The following XRRA1 variants were observed in gnomAD, a reference collection of about 807,000 sequenced individuals.
XRRA1 encodes the protein X-ray radiation resistance associated 1.
XRRA1 carries 69 observed loss-of-function variants against 80.2 expected under a neutral mutation model. The ratio of observed to expected loss-of-function variants is 0.86; its 90% confidence interval spans 0.71 to 1.05. XRRA1 has a LOEUF of 1.05. Among genes scored for constraint, XRRA1 ranks in the 50% least tolerant of loss-of-function variants. XRRA1 has a pLI of 0.00. For missense variants in XRRA1, 967 were observed against 976.4 expected (o/e 0.99, Z 0.13); for synonymous variants, 348 against 389.9 (o/e 0.89, Z 1.27).
intron 6 of XRRA1, 80 bp from the exon 7 acceptor site, chr11:74,927,568 G>C (rs1407031273): frequency 1.0e-6 from 1 of 982,064 alleles, no homozygotes; most frequent in Non-Finnish European, 1.6e-6. Flanking sequence ...CATTTACTGT[G>C]TCCCTACTGG....
At chr11:74,863,289 G>A (rs1359439308) in intron 10 of XRRA1, 1 of 492,368 alleles carries the variant, frequency 2.0e-6, no homozygotes, top group Non-Finnish European at 3.7e-6. Context: ...TACTTCTTCA[G>A]TCTCATTTCA....
intron 10 of XRRA1, among the ~76,000 whole-genome samples, chr11:74,870,491 C>T (rs947050983): frequency 2.6e-5 from 4 of 152,190 alleles, no homozygotes; most frequent in Non-Finnish European, 5.9e-5. Context: ...GGAATTTTTA[C>T]ACTTCAGGGA....
chr11:74,934,488 G>A (rs536426249), intron 4 of XRRA1, among the ~76,000 whole-genome samples: 30 of 152,278 alleles, frequency 2.0e-4, no homozygotes, highest in African/African-American at 6.0e-4. Flanking sequence ...TAGCAAGTAC[G>A]TATTTATAAA....
chr11:74,859,112 T>C, intron 12 of XRRA1, 46 bp downstream of exon 12: 1 of 1,537,644 alleles, frequency 6.5e-7, no homozygotes, highest in Non-Finnish European at 8.7e-7. Flanking sequence ...GCATCCCACC[T>C]TCCCATCTGT....
intron 10 of XRRA1, among the ~76,000 whole-genome samples, chr11:74,868,796 A>G (rs1226102911): frequency 6.6e-6 from 1 of 152,198 alleles, no homozygotes; most frequent in African/African-American, 2.4e-5. Context: ...CAATTCAACA[A>G]GAACTATCCT....
chr11:74,912,955 A>T (rs1021224712), intron 8 of XRRA1, among the ~76,000 whole-genome samples: 1 of 152,218 alleles, frequency 6.6e-6, no homozygotes, highest in African/African-American at 2.4e-5. Context: ...CAGTGTCTGC[A>T]AATTGGTGCT....
At chr11:74,883,650 T>C (rs2048298799) in intron 10 of XRRA1, among the ~76,000 whole-genome samples, 1 of 152,216 alleles carries the variant, frequency 6.6e-6, no homozygotes, top group Admixed American at 6.5e-5. Flanking sequence ...GAACCACACA[T>C]GGACATGCCT....
chr11:74,927,069 T>C (rs1942409173), intron 7 of XRRA1, among the ~76,000 whole-genome samples: 1 of 152,130 alleles, frequency 6.6e-6, no homozygotes, highest in Non-Finnish European at 1.5e-5. Flanking sequence ...TCTCCCTCCT[T>C]CAATACTCTG....
chr11:74,860,577 AT>A (rs1182417745), intron 11 of XRRA1, among the ~76,000 whole-genome samples: 2 of 152,176 alleles, frequency 1.3e-5, no homozygotes, highest in Admixed American at 6.5e-5. Context: ...CACTTTCTAG[AT>A]TTTCAGATGT....
intron 10 of XRRA1, among the ~76,000 whole-genome samples, chr11:74,882,486 G>A (rs1228213638): frequency 1.3e-5 from 2 of 151,808 alleles, no homozygotes; most frequent in Admixed American, 6.6e-5. Flanking sequence ...TAATTTGATC[G>A]TCTGAAGCCT....
chr11:74,888,666 T>A (rs1316424799), intron 10 of XRRA1, among the ~76,000 whole-genome samples: 2 of 152,136 alleles, frequency 1.3e-5, no homozygotes, highest in Non-Finnish European at 2.9e-5. Flanking sequence ...GTTAAAAACC[T>A]TGAAAAAGAA....
At chr11:74,942,873 G>C (rs1300476455) in intron 2 of XRRA1, among the ~76,000 whole-genome samples, 1 of 152,240 alleles carries the variant, frequency 6.6e-6, no homozygotes, top group African/African-American at 2.4e-5. Flanking sequence ...CATCTAGACT[G>C]AGAGGAAGGA....
intron 10 of XRRA1, among the ~76,000 whole-genome samples, chr11:74,885,318 T>C (rs1466874683): frequency 6.6e-6 from 1 of 151,758 alleles, no homozygotes; most frequent in South Asian, 2.1e-4. Flanking sequence ...AAAAAGTTAA[T>C]GAGATAGAGA....
Position 74,842,995 on chromosome 11 carries a change from C to A in XRRA1, c.*205G>T, listed in dbSNP as rs910078347. On this transcript the variant is annotated 3_prime_UTR_variant, in exon 19 of 19. Coordinates refer to ENST00000684022, the MANE Select transcript of XRRA1 (RefSeq NM_001378157.1). Reference sequence around the variant, plus strand: ...GCCCTGTGCACCCACTCTTTATTGCCGCTGGGCCAGGCACCAGGTCATGCC... The same window carrying A: ...GCCCTGTGCACCCACTCTTTATTGCAGCTGGGCCAGGCACCAGGTCATGCC... The A allele has an allele frequency of 4.6e-6, 3 of 648,980 alleles. No individual in the cohort carries two copies. The African/African-American group carries it at 5.5e-5, about 12-fold the overall frequency. The allele number at this position is 648,980 out of a possible 1,614,324, so 40.2% of individuals were successfully genotyped here. A position where few individuals can be genotyped will look rare whatever the true frequency, so the allele number is the denominator to read the frequency against.
intron 8 of XRRA1, among the ~76,000 whole-genome samples, chr11:74,913,265 C>T (rs950180969): frequency 6.6e-6 from 1 of 152,204 alleles, no homozygotes; most frequent in African/African-American, 2.4e-5. Context: ...GAGGTAATTG[C>T]AGAGATTACT....
chr11:74,878,467 A>T (rs1474705571), intron 10 of XRRA1, among the ~76,000 whole-genome samples: 6 of 152,088 alleles, frequency 3.9e-5, no homozygotes, highest in Non-Finnish European at 7.4e-5. Flanking sequence ...CTTTAGTTTA[A>T]TCAGATCCCA....
chr11:74,896,892 A>G (rs1351600705), intron 10 of XRRA1, among the ~76,000 whole-genome samples: 1 of 152,186 alleles, frequency 6.6e-6, no homozygotes, highest in Non-Finnish European at 1.5e-5. Context: ...AGTCCCTTCA[A>G]ATACCTGGAA....
chr11:74,848,277 G>A lies in XRRA1; in HGVS notation c.1566C>T (p.Ser522=), dbSNP rs764221731. The A allele has an allele frequency of 3.7e-6, 6 of 1,613,952 alleles. No homozygotes were observed. The highest frequency in any genetic ancestry group is 5.1e-6 in the Non-Finnish European group (6 of 1,179,868). The change falls in exon 15 of 19, where the codon TCC becomes TCT. Residue 522 remains serine, a synonymous_variant. Coordinates refer to ENST00000684022, the MANE Select transcript of XRRA1 (RefSeq NM_001378157.1). ...GTGGCACGAAGGTCCGGCAAGACGG[G>A]GAATGGCCTTCCAGGTTCTCAGTGG... ...EMPTENLEGH[S]PSCRTFVPLP...
intron 8 of XRRA1, among the ~76,000 whole-genome samples, chr11:74,915,703 T>C (rs893855957): frequency 6.6e-6 from 1 of 151,604 alleles, no homozygotes; most frequent in African/African-American, 2.4e-5. Context: ...ATAGAAACTG[T>C]TGATACAATA....
Sources: gnomAD v4.1 joint callset for allele counts (sites outside exome capture counted in the v4.1 genomes callset) on GRCh38, gnomAD v4.1.1 for gene constraint, MANE v1.5 for transcripts, NCBI Gene and HGNC (gene_info 2026-07-23, HGNC 2026-07-21) for gene names.